Variants in TP63 observed in about 807,000 individuals in gnomAD.
The protein encoded by TP63 is tumor protein p63.
Under a neutral mutation model 82.8 loss-of-function variants are expected in TP63, and 17 were observed. The ratio of observed to expected loss-of-function variants is 0.21; its 90% CI spans 0.14 to 0.31. The LOEUF (loss-of-function observed/expected upper bound fraction) is 0.31, where lower values mean the gene tolerates loss of function less well. Among genes scored for constraint, TP63 ranks in the 10% least tolerant of loss-of-function variants. The pLI is 1.00. For missense variants in TP63, 648 were observed against 895.3 expected, an observed-to-expected ratio of 0.72 and a Z score of 3.52; for synonymous variants, 330 against 321.7, an observed-to-expected ratio of 1.03 and a Z score of -0.28.
chr3:189,633,151 A>G (rs1025084789), intron 1 of TP63, among the ~76,000 whole-genome samples: 15 of 152,074 alleles, frequency 9.9e-5, no homozygotes, highest in African/African-American at 2.7e-4. Flanking sequence ...TTGACGATCT[A>G]TTAGTTCATG....
chr3:189,731,068 C>A (rs557685705), intron 1 of TP63, among the ~76,000 whole-genome samples: 91 of 152,298 alleles, frequency 6.0e-4, no homozygotes, highest in Non-Finnish European at 6.8e-4. Context: ...TAGCACCAGG[C>A]GCTCTGGCTC....
intron 3 of TP63, among the ~76,000 whole-genome samples, chr3:189,775,434 A>G (rs1214966908): frequency 1.3e-5 from 2 of 152,096 alleles, no homozygotes; most frequent in Non-Finnish European, 2.9e-5. Flanking sequence ...CCCTTTCAGT[A>G]TAAGATGAAA....
chr3:189,641,710 T>A (rs757758901), intron 1 of TP63, among the ~76,000 whole-genome samples: 10 of 152,192 alleles, frequency 6.6e-5, no homozygotes, highest in Non-Finnish European at 1.5e-4. Context: ...ATTTTTGTTA[T>A]TAATTAAGAA....
In TP63 at chr3:189,892,259, C is replaced by G. The variant is rs552004122; in HGVS notation, c.1746+1377C>G. 2.0e-4 allele frequency among the ~76,000 whole-genome samples: 31 copies of G among 152,246 alleles called. 1 individual carries two copies. In the Middle Eastern group the frequency reaches 0.02, roughly 100 times the overall value. The stretch of plus-strand genomic sequence containing the variant: ...CTTTCCACTTGCTCACTTATTTCCA[C>G]TGGGGAATGTGTCAGGATGTTCCCT... On this transcript the variant is annotated intron_variant, in intron 13 of 13. Coordinates refer to ENST00000264731, the MANE Select transcript of TP63 (RefSeq NM_003722.5).
chr3:189,609,201 T>C, the TP63 span, among the ~76,000 whole-genome samples: 1 of 152,168 alleles, frequency 6.6e-6, no homozygotes, highest in East Asian at 1.9e-4. Flanking sequence ...CATCTTTCCA[T>C]GTATGGGTGA....
At chr3:189,846,611 GGTGTGTGTGTGT>G (rs71861936) in intron 4 of TP63, among the ~76,000 whole-genome samples, 54 of 141,168 alleles carry the variant, frequency 3.8e-4, no homozygotes, top group South Asian at 1.1e-3. Flanking sequence ...TGGCCAGTAG[GGTGTGTGTGTGT>G]GTGTGTGTGT....
At chr3:189,662,899 T>C (rs1230035977) in intron 1 of TP63, among the ~76,000 whole-genome samples, 1 of 152,094 alleles carries the variant, frequency 6.6e-6, no homozygotes, top group Non-Finnish European at 1.5e-5. Context: ...TCACTAATTA[T>C]TTATATAAGA....
At chr3:189,781,428 T>C (rs1724225104) in intron 3 of TP63, among the ~76,000 whole-genome samples, 1 of 152,164 alleles carries the variant, frequency 6.6e-6, no homozygotes, top group Non-Finnish European at 1.5e-5. Context: ...TTTCTAAAAC[T>C]GAACTGTGGC....
chr3:189,887,887 G>T (rs147759295), intron 11 of TP63, among the ~76,000 whole-genome samples: 2 of 139,112 alleles, frequency 1.4e-5, no homozygotes, highest in Admixed American at 7.4e-5. Context: ...ACAGAGTTTC[G>T]CTCTTGTTGC....
upstream of TP63, among the ~76,000 whole-genome samples, chr3:189,627,457 T>G (rs902407664): frequency 2.6e-5 from 4 of 152,166 alleles, no homozygotes; most frequent in East Asian, 7.7e-4. Flanking sequence ...ACCATATGCC[T>G]GCATTTATGT....
intron 10 of TP63, among the ~76,000 whole-genome samples, chr3:189,885,480 A>G (rs1423989952): frequency 1.3e-5 from 2 of 152,226 alleles, no homozygotes; most frequent in East Asian, 1.9e-4. Flanking sequence ...AGTAGCTCGC[A>G]TGGGCATCTA....
intron 3 of TP63, among the ~76,000 whole-genome samples, chr3:189,777,833 C>A (rs1435055644): frequency 2.5e-5 from 2 of 80,988 alleles, no homozygotes; most frequent in Non-Finnish European, 4.8e-5. Flanking sequence ...TCTTCTTCTT[C>A]TTCTTCTTCT....
At position 189,641,444 on chromosome 3, in the gene TP63, G is replaced by A. The variant is rs12638554; in HGVS notation, c.62+9867G>A. ...TTCAATAAGTATTTATTACACAAATGAAGTGTTTCTAATAATCATGATGCC... is the reference window on the plus strand; with the variant it reads ...TTCAATAAGTATTTATTACACAAATAAAGTGTTTCTAATAATCATGATGCC... On this transcript the variant is annotated intron_variant, in intron 1 of 13. Coordinates refer to ENST00000264731, the MANE Select transcript of TP63 (RefSeq NM_003722.5). Among the ~76,000 whole-genome samples, 188 of 152,216 alleles carry A rather than the reference G, an allele frequency of 1.2e-3. 2 individuals are homozygous for A. The East Asian group carries it at 0.032, about 26-fold the overall frequency.
chr3:189,745,606 C>T (rs1721307713), intron 3 of TP63, among the ~76,000 whole-genome samples: 1 of 144,970 alleles, frequency 6.9e-6, no homozygotes, highest in Non-Finnish European at 1.5e-5. Flanking sequence ...ACTCGGGAGG[C>T]TGAGATAGGA....
intron 4 of TP63, among the ~76,000 whole-genome samples, chr3:189,857,770 G>C (rs1051848687): frequency 6.6e-6 from 1 of 152,026 alleles, no homozygotes; most frequent in Non-Finnish European, 1.5e-5. Context: ...CACTAATCAG[G>C]GAAATGCAAA....
intron 10 of TP63, chr3:189,879,947 C>G: frequency 7.4e-7 from 1 of 1,344,234 alleles, no homozygotes; most frequent in Non-Finnish European, 9.7e-7. Context: ...TTCAGGCACT[C>G]TATTCTGTCT....
At chr3:189,893,580 C>T (rs148376275) in intron 13 of TP63, among the ~76,000 whole-genome samples, 1 of 152,316 alleles carries the variant, frequency 6.6e-6, no homozygotes, top group African/African-American at 2.4e-5. Flanking sequence ...TTTATTCAAA[C>T]ACCAAGAGAC....
chr3:189,702,070 T>G (rs1292984827), intron 1 of TP63, among the ~76,000 whole-genome samples: 1 of 152,166 alleles, frequency 6.6e-6, no homozygotes, highest in Non-Finnish European at 1.5e-5. Flanking sequence ...CAGAGAATTC[T>G]TAACACTAGC....
chr3:189,841,179 G>A (rs1466013720), intron 4 of TP63, among the ~76,000 whole-genome samples: 3 of 152,040 alleles, frequency 2.0e-5, no homozygotes, highest in African/African-American at 7.2e-5. Flanking sequence ...TACAGTAAGG[G>A]CCCTGAATTT....
Sources: gnomAD v4.1 joint callset for allele counts (sites outside exome capture counted in the v4.1 genomes callset) on GRCh38, gnomAD v4.1.1 for gene constraint, MANE v1.5 for transcripts, NCBI Gene and HGNC (gene_info 2026-07-23, HGNC 2026-07-21) for gene names.